CDKL5: variants seen among roughly 807,000 people sequenced by gnomAD.
CDKL5 encodes the protein cyclin dependent kinase like 5, also known as cyclin-dependent kinase-like 5.
In CDKL5, 8 loss-of-function variants were observed where a neutral mutation model predicts 61.7. That is an observed-to-expected ratio of 0.13 (90% CI 0.08 to 0.23). The LOEUF (loss-of-function observed/expected upper bound fraction) is 0.23, where lower values mean the gene tolerates loss of function less well. CDKL5 is among the 10% of genes least tolerant of loss of function. The pLI is 1.00. For synonymous variants in CDKL5, 275 were observed against 272.3 expected, an observed-to-expected ratio of 1.01 and a Z score of -0.10; for missense variants, 440 against 734.5, an observed-to-expected ratio of 0.60 and a Z score of 4.63.
At position 18,630,127 on chromosome X, in the gene CDKL5, T is replaced by C. The variant is rs1927193295; in HGVS notation, c.*1370T>C. The stretch of plus-strand genomic sequence containing the variant: ...CAATTCCAGATAGATAAAAAATTAC[T>C]CTATCCATTTTTTTCTTCCTGGGGC... On this transcript the variant is annotated 3_prime_UTR_variant, in exon 18 of 18. Coordinates refer to ENST00000623535, the MANE Select transcript of CDKL5 (RefSeq NM_001323289.2). The C allele has an allele frequency of 4.0e-6, 3 of 753,959 alleles. No homozygotes were observed. Among genetic ancestry groups the C allele is most frequent in the Non-Finnish European group, 4.7e-6 (3 of 639,204 alleles). 62.1% of individuals were successfully genotyped at this position (753,959 alleles called of 1,213,427 possible).
chrX:18,564,641 TGA>T (rs1924909428), intron 4 of CDKL5, 119 bp downstream of exon 4: 2 of 217,277 alleles, frequency 9.2e-6, no homozygotes, highest in Non-Finnish European at 1.6e-5. Context: ...TGTCTATTCC[TGA>T]TATTTTGAAG....
At chrX:18,511,187 C>A (rs980829432) in intron 3 of CDKL5, among the ~76,000 whole-genome samples, 4 of 111,915 alleles carry the variant, frequency 3.6e-5, no homozygotes, top group Non-Finnish European at 7.5e-5. Context: ...CTTGTGGCAT[C>A]ATATCAGTAC....
chrX:18,606,594 G>A (rs774156544), intron 12 of CDKL5, among the ~76,000 whole-genome samples: 10 of 112,466 alleles, frequency 8.9e-5, no homozygotes, highest in Admixed American at 7.5e-4. Context: ...CAAGTTGTGA[G>A]TTGTGGGAGC....
chrX:18,442,717 A>G (rs945207835), intron 1 of CDKL5, among the ~76,000 whole-genome samples: 5 of 110,633 alleles, frequency 4.5e-5, no homozygotes, highest in African/African-American at 1.3e-4. Context: ...GATGATCTCA[A>G]TCTCTTGACC....
chrX:18,601,498 A>G (rs1258827025), intron 11 of CDKL5, among the ~76,000 whole-genome samples: 1 of 112,634 alleles, frequency 8.9e-6, no homozygotes, highest in African/African-American at 3.2e-5. Context: ...GAAGAGATCT[A>G]TGGAATTTTC....
At chrX:18,550,517 C>T (rs1365163096) in intron 3 of CDKL5, among the ~76,000 whole-genome samples, 1 of 112,524 alleles carries the variant, frequency 8.9e-6, no homozygotes, top group African/African-American at 3.2e-5. Flanking sequence ...TTAAAAGCTA[C>T]ATTTTCTTGG....
chrX:18,619,015 C>T (rs1298115320), intron 15 of CDKL5, among the ~76,000 whole-genome samples: 1 of 111,042 alleles, frequency 9.0e-6, no homozygotes, highest in East Asian at 2.8e-4. Context: ...TCAACACTTA[C>T]CCATTTCATC....
At position 18,588,153 on chromosome X, in the gene CDKL5, T is replaced by G; in HGVS notation, c.744+10T>G. 1.7e-6 allele frequency: 2 copies of G among 1,197,167 alleles called. No individual in the cohort carries two copies. Among genetic ancestry groups the G allele is most frequent in the South Asian group, 3.5e-5 (2 of 56,593 alleles). On this transcript the variant is annotated intron_variant, in intron 9 of 17. Coordinates refer to ENST00000623535, the MANE Select transcript of CDKL5 (RefSeq NM_001323289.2). ...CTTCCATGGGCTCCGGGTAAGAGGT[T>G]TTGCTGAAACCCAAAATGGAATCAA...
Position 18,499,196 on chromosome X carries a change from G to A in CDKL5, c.-162-7739G>A, listed in dbSNP as rs1434130446. On this transcript the variant is annotated intron_variant, in intron 1 of 17. Coordinates refer to ENST00000623535, the MANE Select transcript of CDKL5 (RefSeq NM_001323289.2). ...TTTGCTATAGTTGATATGTTCATTT[G>A]GTCAAATTTTAAAAACATGTTCAAT... Among the ~76,000 whole-genome samples the A allele has an allele frequency of 3.3e-4, 37 of 111,084 alleles. 1 individual carries two copies.
intron 3 of CDKL5, among the ~76,000 whole-genome samples, chrX:18,537,129 G>A (rs1923869565): frequency 9.1e-6 from 1 of 110,425 alleles, no homozygotes; most frequent in African/African-American, 3.3e-5. Context: ...AGTTTAAACA[G>A]TCTCATTTGG....
chrX:18,584,047 G>C (rs1287008060), intron 7 of CDKL5, among the ~76,000 whole-genome samples: 1 of 111,793 alleles, frequency 8.9e-6, no homozygotes, highest in African/African-American at 3.3e-5. Flanking sequence ...GAAGAGACTG[G>C]TTTTGTAGTG....
chrX:18,518,385 CTTATTTTTTTTTTTTTTTT>C (rs1923110593), intron 3 of CDKL5, among the ~76,000 whole-genome samples: 7 of 22,794 alleles, frequency 3.1e-4, no homozygotes, highest in African/African-American at 1.1e-3. Context: ...CTTTTCTTTT[CTTATTTTTTTTTTTTTTTT>C]TTTTTTTTTT....
Position 18,506,998 on chromosome X carries a change from T to G in CDKL5, c.-99T>G. On this transcript the variant is annotated 5_prime_UTR_variant, in exon 2 of 18. In the 5' UTR this introduces an upstream ATG that the reference lacks. Coordinates refer to ENST00000623535, the MANE Select transcript of CDKL5 (RefSeq NM_001323289.2). ...AAAGTTCCCACCAACCAGTGAGAAT[T>G]TCTTCCTTCAGACGGTTTTGGATCT... 1.6e-6 allele frequency: 1 copy of G among 610,977 alleles called. No homozygotes were observed. The highest frequency in any genetic ancestry group is 2.8e-6 in the Non-Finnish European group (1 of 354,017). 50.4% of individuals were successfully genotyped at this position (610,977 alleles called of 1,213,427 possible). A position where few individuals can be genotyped will look rare whatever the true frequency, so the allele number is the denominator to read the frequency against.
At chrX:18,565,086 C>CA (rs1048866385) in intron 4 of CDKL5, among the ~76,000 whole-genome samples, 7 of 112,016 alleles carry the variant, frequency 6.2e-5, no homozygotes, top group Non-Finnish European at 1.3e-4. Flanking sequence ...CCATTTCAGA[C>CA]AGAGTTGTAA....
At chrX:18,479,684 G>A (rs147575555) in intron 1 of CDKL5, among the ~76,000 whole-genome samples, 327 of 111,554 alleles carry the variant, frequency 2.9e-3, no homozygotes, top group Non-Finnish European at 4.8e-3. Context: ...TTACATGTAT[G>A]TTGTTGTGTA....
intron 12 of CDKL5, among the ~76,000 whole-genome samples, chrX:18,605,680 T>C (rs1014799930): frequency 8.9e-6 from 1 of 112,799 alleles, no homozygotes; most frequent in Non-Finnish European, 1.9e-5. Context: ...TGATTTCATC[T>C]ATAAAGTACT....
intron 1 of CDKL5, among the ~76,000 whole-genome samples, chrX:18,492,575 A>G (rs12014956): frequency 3.4e-3 from 384 of 111,425 alleles, no homozygotes; most frequent in African/African-American, 0.012. Flanking sequence ...CTCTACTCAT[A>G]CATAGCCCAA....
At chrX:18,535,860 C>T (rs753867528) in intron 3 of CDKL5, 3 of 112,637 alleles carry the variant, frequency 2.7e-5, no homozygotes, top group African/African-American at 9.8e-5. Context: ...CTCTCTCCAC[C>T]ATGTCCCCTC....
Position 18,630,468 on chromosome X carries a change from C to T in CDKL5, c.*1711C>T. The T allele has an allele frequency of 1.3e-6, 1 of 753,003 alleles. No homozygotes were observed. The highest frequency in any genetic ancestry group is 1.6e-6 in the Non-Finnish European group (1 of 638,938). 62.1% of individuals were successfully genotyped at this position (753,003 alleles called of 1,213,427 possible). Reference sequence around the variant, plus strand: ...TTACTTGTCCTCAAATTCTGAGTGTCAGCCCCTGCATCAAGTCAGCTATGA... The same window carrying T: ...TTACTTGTCCTCAAATTCTGAGTGTTAGCCCCTGCATCAAGTCAGCTATGA... On this transcript the variant is annotated 3_prime_UTR_variant, in exon 18 of 18. Coordinates refer to ENST00000623535, the MANE Select transcript of CDKL5 (RefSeq NM_001323289.2).
Sources: gnomAD v4.1 joint callset for allele counts (sites outside exome capture counted in the v4.1 genomes callset) on GRCh38, gnomAD v4.1.1 for gene constraint, MANE v1.5 for transcripts, NCBI Gene and HGNC (gene_info 2026-07-23, HGNC 2026-07-21) for gene names.